The following MDH1B variants were observed in gnomAD, a reference collection of about 807,000 sequenced individuals.
The protein encoded by MDH1B is putative malate dehydrogenase 1B.
In MDH1B, 60 loss-of-function variants were observed where a neutral mutation model predicts 61.4. The ratio of observed to expected loss-of-function variants is 0.98; its 90% confidence interval spans 0.79 to 1.21. The LOEUF (loss-of-function observed/expected upper bound fraction) is 1.21. MDH1B is among the 50% of genes most tolerant of loss of function. The pLI is 0.00. For missense variants in MDH1B, 587 were observed against 632.1 expected (o/e 0.93, Z 0.76); for synonymous variants, 236 against 218.7 (o/e 1.08, Z -0.70).
chr2:206,749,103 G>A lies in MDH1B; in HGVS notation c.1133C>T (p.Ala378Val). ...TGRQFGGILA[A>V]HSIATTLKYW... ...TTTCAGTGTAGTGGCTATACTGTGT[G>A]CAGCCAAAATGCCTCCAAATTGTCT... is the stretch of plus-strand genomic sequence containing the variant. Residue 378 changes from alanine to valine, a missense_variant, in exon 7 of 12, where the codon GCA becomes GTA. Ala to Val is a moderately conservative substitution (Grantham distance 64). Transcript: ENST00000374412. 6.2e-7 allele frequency: 1 copy of A among 1,613,592 alleles called. No homozygotes were observed. The highest frequency in any genetic ancestry group is 8.5e-7 in the Non-Finnish European group (1 of 1,179,520).
chr2:206,750,596 T>C (rs79780239), intron 6 of MDH1B, among the ~76,000 whole-genome samples: 2 of 151,908 alleles, frequency 1.3e-5, no homozygotes, highest in Admixed American at 1.3e-4. Flanking sequence ...AACTCCTTTC[T>C]TGAAAACGTT....
At chr2:206,745,209 C>T in intron 9 of MDH1B, 1 of 322,306 alleles carries the variant, frequency 3.1e-6, no homozygotes. Flanking sequence ...GCAGTGCAAC[C>T]CAAAGCTAGA....
intron 1 of MDH1B, among the ~76,000 whole-genome samples, chr2:206,762,915 C>T (rs1689185821): frequency 1.3e-5 from 2 of 152,206 alleles, no homozygotes; most frequent in Non-Finnish European, 2.9e-5. Flanking sequence ...TGTAGGTTTC[C>T]ATTCCTTTAT....
At chr2:206,757,846 G>A (rs773206348) in intron 2 of MDH1B, among the ~76,000 whole-genome samples, 2 of 152,050 alleles carry the variant, frequency 1.3e-5, no homozygotes, top group South Asian at 2.1e-4. Flanking sequence ...GGAGATTTCC[G>A]ACAATATTTA....
chr2:206,757,268 C>T lies in MDH1B; in HGVS notation c.239G>A (p.Gly80Glu), dbSNP rs1315637519. 3.7e-6 allele frequency: 6 copies of T among 1,613,888 alleles called. No individual in the cohort carries two copies. The highest frequency in any genetic ancestry group is 3.4e-6 in the Non-Finnish European group (4 of 1,179,916). ...LDRGGKGLLL[G>E]GYNEFLEHAQ... ...ATGCTCCAGGAACTCATTATATCCT[C>T]CCAAAAGCAAACCCTTTCCTCCACG... The change falls in exon 3 of 12, where the codon GGA (glycine) becomes GAA (glutamate). Residue 80 changes from glycine to glutamate, a missense_variant. Coordinates refer to ENST00000374412, the MANE Select transcript of MDH1B (RefSeq NM_001039845.3).
At chr2:206,738,813 C>T (rs201288273) in intron 11 of MDH1B, among the ~76,000 whole-genome samples, 1 of 151,862 alleles carries the variant, frequency 6.6e-6, no homozygotes, top group African/African-American at 2.4e-5. Flanking sequence ...CATTTCTGCT[C>T]GACTTTGCTG....
chr2:206,765,232 G>C lies in MDH1B; in HGVS notation c.22+18C>G, dbSNP rs753420060. The C allele has an allele frequency of 4.4e-6, 7 of 1,600,950 alleles. No individual in the cohort carries two copies. The highest frequency in any genetic ancestry group is 6.0e-6 in the Non-Finnish European group (7 of 1,175,724). On this transcript the variant is annotated intron_variant, in intron 1 of 11. Coordinates refer to ENST00000374412, the MANE Select transcript of MDH1B (RefSeq NM_001039845.3). ...CGGCGTTTTGAGCAATCTGCGGGCG[G>C]ACGCGGGGATCACTCACCCGCGATG...
intron 1 of MDH1B, among the ~76,000 whole-genome samples, chr2:206,761,726 A>T (rs1689106857): frequency 1.3e-5 from 2 of 152,132 alleles, no homozygotes; most frequent in Non-Finnish European, 1.5e-5. Flanking sequence ...AGTTAAAGCC[A>T]CTACAACAGA....
At chr2:206,746,213 G>A (rs539572843) in intron 8 of MDH1B, 74 bp downstream of exon 8, 8 of 1,299,208 alleles carry the variant, frequency 6.2e-6, no homozygotes, top group African/African-American at 1.5e-5. Context: ...AAAAACCAAT[G>A]TATGCCTTGG....
At chr2:206,753,509 T>C (rs553258817) in intron 5 of MDH1B, among the ~76,000 whole-genome samples, 2 of 152,174 alleles carry the variant, frequency 1.3e-5, no homozygotes, top group Non-Finnish European at 2.9e-5. Context: ...CCAATACACA[T>C]GGTCTGATAA....
chr2:206,752,552 G>A (rs940414598), intron 5 of MDH1B, among the ~76,000 whole-genome samples: 1 of 152,058 alleles, frequency 6.6e-6, no homozygotes, highest in Non-Finnish European at 1.5e-5. Flanking sequence ...AGGAGGGTGG[G>A]GAGGGTGGGA....
Position 206,765,296 on chromosome 2 carries a change from G to A in MDH1B, c.-25C>T. 1 of 1,586,256 alleles carries A rather than the reference G, an allele frequency of 6.3e-7. No individual in the cohort carries two copies. Among genetic ancestry groups the A allele is most frequent in the Non-Finnish European group, 8.5e-7 (1 of 1,170,516 alleles). ...TGGTCGAGAGAGACTCAGAGGCAGGGACCGCGGCTTCGCGGTTTCCTGGCA... is the reference window on the plus strand; with the variant it reads ...TGGTCGAGAGAGACTCAGAGGCAGGAACCGCGGCTTCGCGGTTTCCTGGCA... On this transcript the variant is annotated 5_prime_UTR_variant, in exon 1 of 12. Transcript: ENST00000374412.
intron 9 of MDH1B, 132 bp downstream of exon 9, chr2:206,745,490 T>C (rs1185668533): frequency 6.9e-6 from 5 of 722,348 alleles, no homozygotes; most frequent in Admixed American, 2.4e-5. Flanking sequence ...ACTTAACAGT[T>C]TATTTTGTCA....
At chr2:206,747,679 T>C (rs1310813518) in intron 7 of MDH1B, among the ~76,000 whole-genome samples, 1 of 152,204 alleles carries the variant, frequency 6.6e-6, no homozygotes, top group Non-Finnish European at 1.5e-5. Flanking sequence ...ACAGGCACAC[T>C]ATAATATTCT....
chr2:206,765,183 C>A, intron 1 of MDH1B, 67 bp downstream of exon 1: 1 of 1,566,820 alleles, frequency 6.4e-7, no homozygotes, highest in South Asian at 1.2e-5. Flanking sequence ...CCAAGCCGAG[C>A]GGCCATGGGA....
At chr2:206,761,498 C>A (rs1295264980) in intron 1 of MDH1B, among the ~76,000 whole-genome samples, 1 of 152,012 alleles carries the variant, frequency 6.6e-6, no homozygotes, top group African/African-American at 2.4e-5. Context: ...GCAGATGATG[C>A]TGACCTTAAC....
chr2:206,739,161 A>T (rs1328234409), intron 11 of MDH1B, among the ~76,000 whole-genome samples: 1 of 152,152 alleles, frequency 6.6e-6, no homozygotes, highest in African/African-American at 2.4e-5. Flanking sequence ...CACGCCTGTA[A>T]TTCTAGCACT....
At chr2:206,753,459 C>T (rs6742102) in intron 5 of MDH1B, among the ~76,000 whole-genome samples, 89,157 of 151,808 alleles carry the variant, frequency 0.59, 26,655 homozygotes, top group African/African-American at 0.67. Flanking sequence ...CTTCAGTCAC[C>T]GTGAGTTGAC....
In MDH1B at chr2:206,748,640, G is replaced by A. The variant is rs549078736; in HGVS notation, c.1216+380C>T. ...AAGCTCCTCATACTTTAGGCTTACT[G>A]TAGTGTCACCTTCTTTATGAAGCCT... On this transcript the variant is annotated intron_variant, in intron 7 of 11. Coordinates refer to ENST00000374412, the MANE Select transcript of MDH1B (RefSeq NM_001039845.3). Among the ~76,000 whole-genome samples, 85 of 152,276 alleles carry A rather than the reference G, an allele frequency of 5.6e-4. 1 individual carries two copies. The highest frequency in any genetic ancestry group is 1.9e-3 in the African/African-American group (77 of 41,562).
Sources: gnomAD v4.1 joint callset for allele counts (sites outside exome capture counted in the v4.1 genomes callset) on GRCh38, gnomAD v4.1.1 for gene constraint, MANE v1.5 for transcripts, NCBI Gene and HGNC (gene_info 2026-07-23, HGNC 2026-07-21) for gene names.